The following MYO6 variants were observed in gnomAD, a reference collection of about 807,000 sequenced individuals.
The protein encoded by MYO6 is unconventional myosin-VI.
In MYO6, 74 loss-of-function variants were observed where a neutral mutation model predicts 178.7. That is an observed-to-expected ratio of 0.41 (90% CI 0.34 to 0.50). MYO6 has a LOEUF of 0.50. Ranked by LOEUF, MYO6 falls within the 20% of genes least tolerant of loss-of-function variation. MYO6 has a pLI of 0.09. For missense variants in MYO6, 1,330 were observed against 1,547.4 expected, an observed-to-expected ratio of 0.86 and a Z score of 2.36; for synonymous variants, 477 against 504.6, an observed-to-expected ratio of 0.95 and a Z score of 0.73.
intron 30 of MYO6, among the ~76,000 whole-genome samples, chr6:75,901,383 A>G (rs1016670503): frequency 2.6e-5 from 4 of 152,082 alleles, no homozygotes; most frequent in East Asian, 1.9e-4. Context: ...ATTTGTTTGT[A>G]TCCTCTTTTA....
chr6:75,807,002 C>T (rs181754494), intron 1 of MYO6, among the ~76,000 whole-genome samples: 76 of 152,262 alleles, frequency 5.0e-4, no homozygotes, highest in African/African-American at 1.7e-3. Flanking sequence ...AAAAACTGAA[C>T]TGGGCCACAG....
intron 1 of MYO6, among the ~76,000 whole-genome samples, chr6:75,772,497 A>G (rs1402434228): frequency 6.6e-6 from 1 of 152,218 alleles, no homozygotes; most frequent in Admixed American, 6.5e-5. Context: ...ATTAGGAATC[A>G]TTGTTTTACT....
intron 1 of MYO6, among the ~76,000 whole-genome samples, chr6:75,753,455 G>GTGTGTGTGTGTGTATATATATATA (rs370647728): frequency 2.9e-5 from 4 of 140,040 alleles, no homozygotes; most frequent in African/African-American, 1.1e-4. Context: ...GTGTGTGTGT[G>GTGTGTGTGTGTGTATATATATATA]TATATATATA....
intron 2 of MYO6, among the ~76,000 whole-genome samples, 154 bp from the exon 3 acceptor site, chr6:75,822,628 G>A (rs1266116684): frequency 2.6e-5 from 4 of 151,924 alleles, no homozygotes; most frequent in Admixed American, 2.6e-4. Context: ...TTCTGTTTTG[G>A]GGTTAATGAC....
chr6:75,765,166 A>G (rs1341190149), intron 1 of MYO6, among the ~76,000 whole-genome samples: 2 of 147,936 alleles, frequency 1.4e-5, no homozygotes, highest in Admixed American at 7.1e-5. Flanking sequence ...ACTAAAAAAA[A>G]AAGCTTTTTT....
At chr6:75,812,022 T>C (rs973562204) in intron 1 of MYO6, among the ~76,000 whole-genome samples, 13 of 152,084 alleles carry the variant, frequency 8.5e-5, no homozygotes, top group South Asian at 6.2e-4. Context: ...CTGTTTTTTG[T>C]TTTTTGTTTT....
intron 2 of MYO6, among the ~76,000 whole-genome samples, chr6:75,818,793 C>T (rs1357074319): frequency 6.6e-6 from 1 of 151,988 alleles, no homozygotes; most frequent in Non-Finnish European, 1.5e-5. Flanking sequence ...ACCCTCAGGA[C>T]AGGAAAGACA....
intron 1 of MYO6, among the ~76,000 whole-genome samples, chr6:75,810,764 A>T (rs564317530): frequency 2.0e-5 from 3 of 152,320 alleles, no homozygotes; most frequent in Non-Finnish European, 4.4e-5. Flanking sequence ...CTGTCAAGAG[A>T]TAGAACGGAG....
At chr6:75,836,249 T>A (rs1261314945) in intron 7 of MYO6, among the ~76,000 whole-genome samples, 2 of 152,250 alleles carry the variant, frequency 1.3e-5, no homozygotes, top group Admixed American at 1.3e-4. Context: ...CAGGAATGTC[T>A]TTAGCTTCCA....
chr6:75,785,928 T>A (rs1438788216), intron 1 of MYO6, among the ~76,000 whole-genome samples: 1 of 151,948 alleles, frequency 6.6e-6, no homozygotes, highest in Non-Finnish European at 1.5e-5. Context: ...AAAACAATTT[T>A]TTTTTGAGAT....
chr6:75,785,790 ACCC>A (rs1373860149), intron 1 of MYO6, among the ~76,000 whole-genome samples: 1 of 151,598 alleles, frequency 6.6e-6, no homozygotes, highest in Non-Finnish European at 1.5e-5. Context: ...TTTATTTTTT[ACCC>A]CCAAGTGGAT....
chr6:75,851,144 CTTA>C (rs1775228458), intron 11 of MYO6, among the ~76,000 whole-genome samples: 1 of 152,126 alleles, frequency 6.6e-6, no homozygotes, highest in African/African-American at 2.4e-5. Context: ...CTTCACACCT[CTTA>C]TTATTACCCT....
chr6:75,861,223 T>C (rs1776191597), intron 15 of MYO6, 128 bp downstream of exon 15: 1 of 778,354 alleles, frequency 1.3e-6, no homozygotes, highest in Non-Finnish European at 2.2e-6. Context: ...GAGAGAAGGT[T>C]ACTTCTGTAT....
intron 1 of MYO6, among the ~76,000 whole-genome samples, chr6:75,805,017 A>ATT (rs1321808540): frequency 1.6e-5 from 1 of 60,790 alleles, no homozygotes; most frequent in African/African-American, 1.1e-4. Flanking sequence ...ATATATATAT[A>ATT]TATATTTTTT....
chr6:75,750,150 C>G (rs1776734761), intron 1 of MYO6, among the ~76,000 whole-genome samples: 1 of 145,588 alleles, frequency 6.9e-6, no homozygotes, highest in Non-Finnish European at 1.5e-5. Flanking sequence ...GGCTGGAGTG[C>G]GGTGGTGCGA....
At chr6:75,797,219 A>G (rs888979385) in intron 1 of MYO6, among the ~76,000 whole-genome samples, 8 of 152,074 alleles carry the variant, frequency 5.3e-5, no homozygotes, top group African/African-American at 1.7e-4. Flanking sequence ...CCTCCTGAGT[A>G]GCCGGGATTA....
chr6:75,866,783 C>T (rs1412981678), intron 17 of MYO6, 149 bp from the exon 18 acceptor site: 2 of 1,030,520 alleles, frequency 1.9e-6, no homozygotes, highest in Non-Finnish European at 3.0e-6. Context: ...CTTCAGGTGC[C>T]CAGTGTCCAC....
At chr6:75,784,132 C>T (rs1032847826) in intron 1 of MYO6, among the ~76,000 whole-genome samples, 3 of 151,828 alleles carry the variant, frequency 2.0e-5, no homozygotes, top group Non-Finnish European at 2.9e-5. Context: ...CCACCATGCC[C>T]GGCTAATTTT....
Position 75,822,848 on chromosome 6 carries a change from A to C in MYO6, c.184A>C (p.Asn62His). The C allele has an allele frequency of 4.3e-6, 7 of 1,611,940 alleles. No homozygotes were observed. Among genetic ancestry groups the C allele is most frequent in the Non-Finnish European group, 5.1e-6 (6 of 1,178,250 alleles). The change falls in exon 3 of 35, where the codon AAC (asparagine) becomes CAC (histidine). Residue 62 changes from asparagine (N) to histidine (H), a missense_variant. Asn to His is a moderately conservative substitution (Grantham distance 68, BLOSUM62 1). Transcript: ENST00000369977. ...GGACAGTAAAAAAGATGTGGAAGAT[A>C]ACTGTAAGTACCAAGTTAAAAATTA... ...EEDSKKDVEDNCSLMYLNEAT... is the reference protein window; with the variant it reads ...EEDSKKDVEDHCSLMYLNEAT...
Sources: gnomAD v4.1 joint callset for allele counts (sites outside exome capture counted in the v4.1 genomes callset) on GRCh38, gnomAD v4.1.1 for gene constraint, MANE v1.5 for transcripts, NCBI Gene and HGNC (gene_info 2026-07-23, HGNC 2026-07-21) for gene names.